The following SCUBE2 variants were observed in gnomAD, a reference collection of about 807,000 sequenced individuals.
SCUBE2 encodes signal peptide, CUB and EGF-like domain-containing protein 2.
In SCUBE2, 114 loss-of-function variants were observed where a neutral mutation model predicts 125.9. That is an observed-to-expected ratio of 0.91 (90% CI 0.78 to 1.06). The LOEUF is 1.06. SCUBE2 is among the 50% of genes least tolerant of loss of function. The pLI, the probability that SCUBE2 is intolerant of heterozygous loss-of-function variation, is 0.00. For synonymous variants in SCUBE2, 459 were observed against 492.9 expected, an observed-to-expected ratio of 0.93 and a Z score of 0.91; for missense variants, 1,255 against 1,301.8, an observed-to-expected ratio of 0.96 and a Z score of 0.55.
At chr11:9,040,507 A>T (rs553232822) in intron 16 of SCUBE2, among the ~76,000 whole-genome samples, 1 of 117,370 alleles carries the variant, frequency 8.5e-6, no homozygotes, top group East Asian at 3.0e-4. Context: ...GTGGGTACGC[A>T]GGAGAAAGGG....
chr11:9,086,615 G>A (rs901290519), intron 2 of SCUBE2, among the ~76,000 whole-genome samples: 1 of 152,042 alleles, frequency 6.6e-6, no homozygotes, highest in African/African-American at 2.4e-5. Flanking sequence ...CACTTTGGGA[G>A]GCCAAGGTGG....
At chr11:9,053,601 G>A in intron 11 of SCUBE2, 36 bp downstream of exon 11, 1 of 1,608,720 alleles carries the variant, frequency 6.2e-7, no homozygotes, top group Non-Finnish European at 8.5e-7. Context: ...CCAGTGGCCA[G>A]CCTGCTGTCT....
At chr11:9,053,009 T>C (rs757533618) in intron 12 of SCUBE2, 90 bp downstream of exon 12, 7 of 1,212,712 alleles carry the variant, frequency 5.8e-6, no homozygotes, top group Non-Finnish European at 8.4e-6. Context: ...GCGGAGGACC[T>C]GGAAGCCCTT....
intron 3 of SCUBE2, among the ~76,000 whole-genome samples, chr11:9,075,668 C>T (rs143262305): frequency 9.2e-5 from 14 of 152,282 alleles, no homozygotes; most frequent in African/African-American, 3.4e-4. Flanking sequence ...TTGAGAAATA[C>T]AAGGCAGCAG....
At chr11:9,058,129 C>T (rs1859282808) in intron 9 of SCUBE2, among the ~76,000 whole-genome samples, 1 of 152,160 alleles carries the variant, frequency 6.6e-6, no homozygotes, top group Non-Finnish European at 1.5e-5. Flanking sequence ...CCCTCCCTCT[C>T]TGCCTTCCCT....
At position 9,027,618 on chromosome 11, in the gene SCUBE2, C is replaced by T. The variant is rs77159325; in HGVS notation, c.2504-57G>A. On this transcript the variant is annotated intron_variant, in intron 19 of 22. Coordinates refer to ENST00000649792, the MANE Select transcript of SCUBE2 (RefSeq NM_001367977.2). ...GACACTGTCATCTCTGTCCTGACCA[C>T]CGCTAGCTTGCCGAGCCCCGCAGCA... 4,460 of 1,502,380 alleles carry T rather than the reference C, an allele frequency of 3.0e-3. 107 individuals are homozygous for T. In the African/African-American group the frequency reaches 0.054, roughly 18 times the overall value. 93.1% of individuals were successfully genotyped at this position (1,502,380 alleles called of 1,614,324 possible).
intron 8 of SCUBE2, 133 bp downstream of exon 8, chr11:9,060,275 T>A: frequency 1.5e-6 from 1 of 667,988 alleles, no homozygotes. Flanking sequence ...AAAGCTCCCA[T>A]TGATATGAAT....
intron 16 of SCUBE2, among the ~76,000 whole-genome samples, chr11:9,034,265 C>G (rs1277286068): frequency 1.3e-5 from 2 of 152,230 alleles, no homozygotes; most frequent in South Asian, 4.1e-4. Context: ...TGTGTCAGGC[C>G]TTGAAGGATG....
chr11:9,025,480 T>A, intron 21 of SCUBE2: 1 of 473,220 alleles, frequency 2.1e-6, no homozygotes. Context: ...CTCACCAAGC[T>A]ATGCTCACTT....
chr11:9,071,105 G>T (rs1860755943), intron 4 of SCUBE2, among the ~76,000 whole-genome samples: 1 of 152,236 alleles, frequency 6.6e-6, no homozygotes, highest in South Asian at 2.1e-4. Context: ...AGAAGGCCCA[G>T]AAAGCGTTGT....
chr11:9,046,927 C>T (rs1857839123), intron 16 of SCUBE2, among the ~76,000 whole-genome samples: 1 of 152,210 alleles, frequency 6.6e-6, no homozygotes, highest in South Asian at 2.1e-4. Flanking sequence ...GGGATTCTTA[C>T]TCCTTAGCTA....
intron 6 of SCUBE2, among the ~76,000 whole-genome samples, chr11:9,066,325 C>T (rs1338776426): frequency 6.6e-6 from 1 of 152,200 alleles, no homozygotes; most frequent in African/African-American, 2.4e-5. Context: ...CCGTGAAGGG[C>T]AAGGCAGGCA....
intron 4 of SCUBE2, among the ~76,000 whole-genome samples, chr11:9,072,389 T>C (rs1423720252): frequency 2.0e-5 from 3 of 152,116 alleles, no homozygotes; most frequent in Non-Finnish European, 4.4e-5. Flanking sequence ...TTTGTATTTT[T>C]AGTAGAGATG....
At chr11:9,045,417 C>T (rs1351512466) in intron 16 of SCUBE2, among the ~76,000 whole-genome samples, 1 of 151,984 alleles carries the variant, frequency 6.6e-6, no homozygotes, top group Non-Finnish European at 1.5e-5. Context: ...ATCTCTCCCC[C>T]CAGGAGAGAT....
intron 17 of SCUBE2, among the ~76,000 whole-genome samples, chr11:9,031,956 C>G (rs1473618587): frequency 1.3e-5 from 2 of 152,186 alleles, no homozygotes; most frequent in Admixed American, 6.5e-5. Flanking sequence ...ATTCCACATC[C>G]TCCACTTGGC....
At chr11:9,060,319 G>A in intron 8 of SCUBE2, 89 bp downstream of exon 8, 3 of 949,904 alleles carry the variant, frequency 3.2e-6, no homozygotes, top group South Asian at 2.9e-5. Flanking sequence ...GGGGTATGGA[G>A]GGTATGTTGC....
chr11:9,053,290 G>C (rs1330388748), intron 11 of SCUBE2, 75 bp from the exon 12 acceptor site: 9 of 1,199,942 alleles, frequency 7.5e-6, no homozygotes, highest in Non-Finnish European at 1.1e-5. Context: ...TGAGTCCCAT[G>C]CACCAAAGGC....
chr11:9,035,196 C>A (rs1247285534), intron 16 of SCUBE2, among the ~76,000 whole-genome samples: 1 of 152,162 alleles, frequency 6.6e-6, no homozygotes, highest in Non-Finnish European at 1.5e-5. Context: ...TAATGACTAA[C>A]ATTTGTTGAG....
chr11:9,086,286 T>C (rs184115768), intron 2 of SCUBE2, among the ~76,000 whole-genome samples: 1 of 152,294 alleles, frequency 6.6e-6, no homozygotes, highest in African/African-American at 2.4e-5. Context: ...AGAAGAAAAC[T>C]TTATGGAAGA....
Sources: allele counts gnomAD v4.1 joint callset (sites outside exome capture counted in the v4.1 genomes callset), GRCh38; gene constraint gnomAD v4.1.1; transcripts MANE v1.5; gene names NCBI Gene and HGNC (gene_info 2026-07-23, HGNC 2026-07-21).